BACH2: variants seen among roughly 807,000 people sequenced by gnomAD.
BACH2 encodes BACH transcriptional regulator 2.
In BACH2, 5 loss-of-function variants were observed where a neutral mutation model predicts 61.8. That is an observed-to-expected ratio of 0.08 (90% CI 0.04 to 0.17). The LOEUF is 0.17. Among genes scored for constraint, BACH2 ranks in the 10% least tolerant of loss-of-function variants. The pLI is 1.00. For synonymous variants in BACH2, 446 were observed against 440.1 expected (o/e 1.01, Z -0.17); for missense variants, 824 against 1,091.1 (o/e 0.76, Z 3.45).
At chr6:90,034,335 A>G (rs16882369) in intron 5 of BACH2, among the ~76,000 whole-genome samples, 13,237 of 152,196 alleles carry the variant, frequency 0.087, 1,851 homozygotes, top group African/African-American at 0.3. Context: ...CTTAATGATT[A>G]ATATAACAAT....
chr6:90,289,945 A>G (rs1460629367), intron 1 of BACH2, among the ~76,000 whole-genome samples: 1 of 152,242 alleles, frequency 6.6e-6, no homozygotes, highest in Non-Finnish European at 1.5e-5. Flanking sequence ...GTTCAAAATA[A>G]GAATGTTAAC....
intron 4 of BACH2, among the ~76,000 whole-genome samples, chr6:90,099,559 G>GT (rs1782527761): frequency 6.6e-6 from 1 of 151,948 alleles, no homozygotes; most frequent in Non-Finnish European, 1.5e-5. Flanking sequence ...TTTTGTTTTT[G>GT]TTTTTTAAGG....
chr6:90,279,162 A>G (rs536550674), intron 1 of BACH2, among the ~76,000 whole-genome samples: 10 of 152,248 alleles, frequency 6.6e-5, no homozygotes, highest in African/African-American at 2.4e-4. Flanking sequence ...AACCATTCTG[A>G]AAAAATCTAA....
intron 2 of BACH2, among the ~76,000 whole-genome samples, chr6:90,267,505 T>A (rs1771376817): frequency 6.6e-6 from 1 of 152,194 alleles, no homozygotes; most frequent in Non-Finnish European, 1.5e-5. Flanking sequence ...TCATCTGACA[T>A]CATGCATGAG....
At chr6:90,210,859 G>A (rs1432126596) in intron 3 of BACH2, among the ~76,000 whole-genome samples, 1 of 151,972 alleles carries the variant, frequency 6.6e-6, no homozygotes, top group African/African-American at 2.4e-5. Context: ...GTCTTTCCAG[G>A]TGGATAGAAG....
At chr6:90,291,078 G>T (rs889760107) in intron 1 of BACH2, among the ~76,000 whole-genome samples, 1 of 152,094 alleles carries the variant, frequency 6.6e-6, no homozygotes, top group East Asian at 1.9e-4. Flanking sequence ...AGGTCAGGGA[G>T]GAAAATGACA....
At position 90,226,380 on chromosome 6, in the gene BACH2, T is replaced by C. The variant is rs1211057528; in HGVS notation, c.-274-19699A>G. On this transcript the variant is annotated intron_variant, in intron 3 of 8. Coordinates refer to ENST00000257749, the MANE Select transcript of BACH2 (RefSeq NM_021813.4). The stretch of plus-strand genomic sequence containing the variant: ...TTTTGGGCAGTGGTATGCTGCTAAA[T>C]GTTTAAAAACAGACTCTGAGGGTGA... 2.6e-5 allele frequency among the ~76,000 whole-genome samples: 4 copies of C among 152,324 alleles called. No individual in the cohort carries two copies. In the East Asian group the frequency reaches 5.8e-4, roughly 22 times the overall value.
intron 5 of BACH2, among the ~76,000 whole-genome samples, chr6:90,053,068 C>T (rs776294074): frequency 1.3e-4 from 20 of 151,938 alleles, no homozygotes; most frequent in Non-Finnish European, 2.1e-4. Flanking sequence ...CCTTGAAATC[C>T]AAAGTTAGTA....
At chr6:90,125,782 A>G (rs2127821435) in intron 4 of BACH2, among the ~76,000 whole-genome samples, 1 of 152,278 alleles carries the variant, frequency 6.6e-6, no homozygotes, top group African/African-American at 2.4e-5. Flanking sequence ...CAGCACACGC[A>G]ACTTCTCTAC....
intron 4 of BACH2, among the ~76,000 whole-genome samples, chr6:90,108,709 T>C (rs1045249212): frequency 6.6e-6 from 1 of 152,202 alleles, no homozygotes; most frequent in African/African-American, 2.4e-5. Context: ...ATGTCTATCA[T>C]TGCTCTAGAC....
intron 5 of BACH2, among the ~76,000 whole-genome samples, chr6:90,011,930 A>G (rs1351198066): frequency 1.0e-5 from 1 of 98,680 alleles, no homozygotes; most frequent in Non-Finnish European, 2.3e-5. Flanking sequence ...AAAAAAAAAA[A>G]TATGTGTGTG....
chr6:90,092,408 CA>C (rs1782208051), intron 4 of BACH2, among the ~76,000 whole-genome samples: 1 of 150,518 alleles, frequency 6.6e-6, no homozygotes, highest in Admixed American at 6.6e-5. Context: ...AAGCTAAAAG[CA>C]AGTAATGCCA....
chr6:90,002,029 A>C (rs191913272), intron 6 of BACH2, among the ~76,000 whole-genome samples: 5 of 152,348 alleles, frequency 3.3e-5, no homozygotes, highest in African/African-American at 1.2e-4. Context: ...AAAAGTGCTC[A>C]ACGAAATCAC....
At chr6:90,028,555 C>T (rs887429545) in intron 5 of BACH2, among the ~76,000 whole-genome samples, 2 of 151,980 alleles carry the variant, frequency 1.3e-5, no homozygotes, top group African/African-American at 4.8e-5. Flanking sequence ...AGCCTGCCTG[C>T]ATCTGAACCA....
intron 4 of BACH2, among the ~76,000 whole-genome samples, chr6:90,176,925 C>A (rs1345016616): frequency 6.6e-6 from 1 of 152,168 alleles, no homozygotes. Context: ...GATTGTCCTC[C>A]TTTCTGCCGT....
chr6:90,214,128 TCTCAA>T (rs1315853938), intron 3 of BACH2, among the ~76,000 whole-genome samples: 1 of 152,182 alleles, frequency 6.6e-6, no homozygotes, highest in Admixed American at 6.5e-5. Flanking sequence ...AGTTTAGCAT[TCTCAA>T]CTCATGTTTG....
intron 5 of BACH2, among the ~76,000 whole-genome samples, chr6:90,013,569 C>T (rs1225179318): frequency 7.4e-5 from 11 of 148,796 alleles, no homozygotes; most frequent in Admixed American, 4.0e-4. Flanking sequence ...TGCAGTGGCG[C>T]GATCTCGGCT....
At chr6:90,094,272 G>A (rs761143533) in intron 4 of BACH2, among the ~76,000 whole-genome samples, 2 of 152,146 alleles carry the variant, frequency 1.3e-5, no homozygotes, top group African/African-American at 2.4e-5. Flanking sequence ...AAGGCTGATT[G>A]AATTCTTTAT....
intron 5 of BACH2, among the ~76,000 whole-genome samples, chr6:90,084,705 G>GT: frequency 6.6e-6 from 1 of 151,922 alleles, no homozygotes; most frequent in East Asian, 1.9e-4. Context: ...TATATATATT[G>GT]TACTTTAACA....
Sources: gnomAD v4.1 joint callset for allele counts (sites outside exome capture counted in the v4.1 genomes callset) on GRCh38, gnomAD v4.1.1 for gene constraint, MANE v1.5 for transcripts, NCBI Gene and HGNC (gene_info 2026-07-23, HGNC 2026-07-21) for gene names.